PLEC: variants seen among roughly 807,000 people sequenced by gnomAD.
The protein encoded by PLEC is hemidesmosomal protein 1.
A neutral mutation model predicts 392.8 loss-of-function variants in PLEC; 216 were observed. The ratio of observed to expected loss-of-function variants is 0.55; its 90% CI spans 0.49 to 0.62. PLEC has a LOEUF of 0.62. PLEC is among the 20% of genes least tolerant of loss of function. The pLI, the probability that PLEC is intolerant of heterozygous loss-of-function variation, is 0.00. For missense variants in PLEC, 6,863 were observed against 6,563.4 expected (o/e 1.05, Z -1.58); for synonymous variants, 3,621 against 2,980.6 (o/e 1.21, Z -7.00).
chr8:143,946,191 A>G (rs1831443922), intron 1 of PLEC, among the ~76,000 whole-genome samples: 1 of 152,138 alleles, frequency 6.6e-6, no homozygotes, highest in Non-Finnish European at 1.5e-5. Context: ...GACACACATC[A>G]CACACACCCC....
At position 143,925,849 on chromosome 8, in the gene PLEC, C is replaced by T. The variant is rs781802262; in HGVS notation, c.4080G>A (p.Glu1360=). 13 of 1,550,094 alleles carry T rather than the reference C, an allele frequency of 8.4e-6. No homozygotes were observed. Among genetic ancestry groups the T allele is most frequent in the Non-Finnish European group, 1.0e-5 (12 of 1,154,776 alleles). Reference sequence around the variant, plus strand: ...GCGCGGCCTCCACCTCGGCCAGCCGCTCGCGCTCCTCTGCCCGCTGCTGCT... The same window carrying T: ...GCGCGGCCTCCACCTCGGCCAGCCGTTCGCGCTCCTCTGCCCGCTGCTGCT... ...LAEQQRAEER[E]RLAEVEAALE... The change falls in exon 31 of 32, where the codon GAG becomes GAA. Residue 1360 remains glutamate (E), a synonymous_variant. Coordinates refer to ENST00000345136, the MANE Select transcript of PLEC (RefSeq NM_201384.3).
upstream of PLEC, chr8:143,942,474 G>C (rs1468627160): frequency 1.3e-6 from 2 of 1,597,688 alleles, no homozygotes; most frequent in African/African-American, 1.3e-5. Flanking sequence ...GCTCCAGCAA[G>C]ACCTCCCTCG....
exon 1 of PLEC, chr8:143,950,718 C>T: frequency 6.4e-7 from 1 of 1,554,036 alleles, no homozygotes; most frequent in Non-Finnish European, 8.7e-7. Context: ...GCTGCTGGAG[C>T]CGGGCAGTCA....
chr8:143,944,854 G>A lies in PLEC; in HGVS notation c.523+5330C>T, dbSNP rs982909525. The stretch of plus-strand genomic sequence containing the variant: ...AGGGGCCCAGGGGATATAAATATCC[G>A]AGGAGGGCGCGCAAGGACCGTCACC... On this transcript the variant is annotated intron_variant, in intron 1 of 31. Coordinates refer to the PLEC transcript ENST00000322810. 2.2e-5 allele frequency: 12 copies of A among 536,394 alleles called. No individual in the cohort carries two copies. The Admixed American group carries it at 3.5e-4, about 16-fold the overall frequency. 33.2% of individuals were successfully genotyped at this position (536,394 alleles called of 1,614,324 possible). A position where few individuals can be genotyped will look rare whatever the true frequency, so the allele number is the denominator to read the frequency against.
Position 143,932,473 on chromosome 8 carries a change from T to C in PLEC, c.1904A>G (p.Lys635Arg), listed in dbSNP as rs781995140. The C allele has an allele frequency of 3.7e-6, 6 of 1,612,734 alleles. No homozygotes were observed. The South Asian group carries it at 5.5e-5, about 15-fold the overall frequency. ...GTCGAAGCCCACCTCCTCCTCCTCC[T>C]TCTCATTCAGCCACATTAGCTCCTT... ...ATKELMWLNEKEEEEVGFDWS... is the reference protein window; with the variant it reads ...ATKELMWLNEREEEEVGFDWS... The change falls in exon 16 of 32, where the codon AAG (lysine) becomes AGG (arginine). Residue 635 changes from lysine to arginine, a missense_variant. Transcript: ENST00000345136.
chr8:143,934,127 C>G, intron 11 of PLEC, 36 bp from the exon 12 acceptor site: 1 of 1,604,104 alleles, frequency 6.2e-7, no homozygotes, highest in Non-Finnish European at 8.5e-7. Context: ...CCGCGTTGGC[C>G]GGGTCCGGCA....
Position 143,917,190 on chromosome 8 carries a change from TGGC to T in PLEC, c.12628_12630del (p.Ala4210del). The T allele has an allele frequency of 6.2e-7, 1 of 1,612,720 alleles. No individual in the cohort carries two copies. Among genetic ancestry groups the T allele is most frequent in the South Asian group, 1.1e-5 (1 of 91,074 alleles). On this transcript the variant is annotated inframe_deletion, in exon 32 of 32. Coordinates refer to ENST00000345136, the MANE Select transcript of PLEC (RefSeq NM_201384.3). ...AGTGCCGAGCGGTCGATGAGGTTCT[TGGC>T]GATGGCATCATCGATGTCGTACTGG... is the stretch of plus-strand genomic sequence containing the variant.
intron 18 of PLEC, 70 bp downstream of exon 18, chr8:143,931,867 G>T: frequency 6.9e-7 from 1 of 1,458,504 alleles, no homozygotes; most frequent in Non-Finnish European, 9.4e-7. Context: ...GATTGGAGCT[G>T]CCGAGGGGGT....
intron 20 of PLEC, 28 bp downstream of exon 20, chr8:143,930,356 C>A (rs782077191): frequency 6.3e-7 from 1 of 1,577,886 alleles, no homozygotes; most frequent in African/African-American, 1.3e-5. Context: ...TGGCCACGCC[C>A]CCCAGTGGAC....
chr8:143,961,612 C>T (rs782329268), intron 1 of PLEC, among the ~76,000 whole-genome samples: 2 of 152,084 alleles, frequency 1.3e-5, no homozygotes, highest in Non-Finnish European at 2.9e-5. Context: ...TACAAAAATC[C>T]AAAATTAAAC....
chr8:143,965,262 TCCTGCCAAGAGCTGA>T (rs879950864), intron 1 of PLEC, among the ~76,000 whole-genome samples: 2 of 152,036 alleles, frequency 1.3e-5, no homozygotes, highest in Non-Finnish European at 2.9e-5. Flanking sequence ...GCAGCAACAG[TCCTGCCAAGAGCTGA>T]CCACCAGCTG....
At chr8:143,937,458 C>G (rs181743397) in intron 3 of PLEC, among the ~76,000 whole-genome samples, 72 of 152,182 alleles carry the variant, frequency 4.7e-4, no homozygotes, top group African/African-American at 1.7e-3. Context: ...GCGACCCAGG[C>G]TGAGGGAAGG....
upstream of PLEC, among the ~76,000 whole-genome samples, chr8:143,942,908 A>G (rs1284361193): frequency 6.6e-6 from 1 of 152,140 alleles, no homozygotes; most frequent in Admixed American, 6.5e-5. Context: ...CGCGTCTGGC[A>G]CCACCAGGGA....
Position 143,924,437 on chromosome 8 carries a change from G to T in PLEC, c.5492C>A (p.Ala1831Glu), listed in dbSNP as rs782404494. ...CAGCTTCTCCGCAAGCACCCGCTCC[G>T]CCTCGGCCCGCTGCCGCGCCGCGTC... ...EEDAARQRAE[A>E]ERVLAEKLAA... The change falls in exon 31 of 32, where the codon GCG becomes GAG. Residue 1831 changes from alanine to glutamate, a missense_variant. Transcript: ENST00000345136. 5.1e-6 allele frequency: 8 copies of T among 1,573,602 alleles called. No homozygotes were observed. Among genetic ancestry groups the T allele is most frequent in the Non-Finnish European group, 6.8e-6 (8 of 1,168,544 alleles).
In PLEC at chr8:143,924,999, G is replaced by A. The variant is rs1440262026; in HGVS notation, c.4930C>T (p.Leu1644=). ...GCCACCTCCTCCGCCTGCAGCCGCA[G>A]CCGTAGCGCCTCGTTGGCCTTGAGC... ...WQLKANEALR[L]RLQAEEVAQQ... The change falls in exon 31 of 32, where the codon CTG becomes TTG. Residue 1644 remains leucine, a synonymous_variant. Transcript: ENST00000345136. 1.9e-6 allele frequency: 3 copies of A among 1,576,832 alleles called. No individual in the cohort carries two copies. The highest frequency in any genetic ancestry group is 2.6e-6 in the Non-Finnish European group (3 of 1,169,530).
chr8:143,956,893 G>A (rs977058046), upstream of PLEC, among the ~76,000 whole-genome samples: 2 of 152,220 alleles, frequency 1.3e-5, no homozygotes, highest in African/African-American at 4.8e-5. Flanking sequence ...CCAGCTGCAC[G>A]TCAGTCAGCT....
upstream of PLEC, chr8:143,953,582 G>A: frequency 1.1e-6 from 1 of 894,984 alleles, no homozygotes; most frequent in South Asian, 1.4e-5. Context: ...ACGAGTCTGG[G>A]GTCTCCTGCG....
chr8:143,946,422 A>C (rs1050802069), intron 1 of PLEC: 2 of 1,284,960 alleles, frequency 1.6e-6, no homozygotes, highest in African/African-American at 1.5e-5. Context: ...CTGCTCCGAG[A>C]GCCGGCAGGG....
In PLEC at chr8:143,920,928, C is replaced by T. The variant is rs782058888; in HGVS notation, c.8893G>A (p.Glu2965Lys). The T allele has an allele frequency of 5.6e-6, 9 of 1,612,744 alleles. No individual in the cohort carries two copies. Among genetic ancestry groups the T allele is most frequent in the Admixed American group, 5.0e-5 (3 of 60,008 alleles). Residue 2965 changes from glutamate (E) to lysine (K), a missense_variant, in exon 32 of 32, where the codon GAG becomes AAG. Glu to Lys is a moderately conservative substitution (Grantham distance 56). Transcript: ENST00000345136. ...IIKIIITVVEEQEQKGRLCFE... is the reference protein window; with the variant it reads ...IIKIIITVVEKQEQKGRLCFE... ...CAAAGCCGGCCCTTCTGCTCCTGCT[C>T]CTCCACCACCGTGATGATGATCTTG... is the stretch of plus-strand genomic sequence containing the variant.
Sources: gnomAD v4.1 joint callset for allele counts (sites outside exome capture counted in the v4.1 genomes callset) on GRCh38, gnomAD v4.1.1 for gene constraint, MANE v1.5 for transcripts, NCBI Gene and HGNC (gene_info 2026-07-23, HGNC 2026-07-21) for gene names.